Variants in MCC observed in about 807,000 individuals in gnomAD.
MCC encodes colorectal mutant cancer protein.
In MCC, 90 loss-of-function variants were observed where a neutral mutation model predicts 116.2. The ratio of observed to expected loss-of-function variants is 0.77; its 90% CI spans 0.65 to 0.92. MCC has a LOEUF of 0.92. Ranked by LOEUF, MCC falls within the 40% of genes least tolerant of loss-of-function variation. MCC has a pLI of 0.00. For synonymous variants in MCC, 578 were observed against 510.5 expected, an observed-to-expected ratio of 1.13 and a Z score of -1.78; for missense variants, 1,516 against 1,312.2, an observed-to-expected ratio of 1.16 and a Z score of -2.40.
chr5:113,195,850 T>C (rs1762378592), intron 3 of MCC, among the ~76,000 whole-genome samples: 1 of 152,186 alleles, frequency 6.6e-6, no homozygotes, highest in African/African-American at 2.4e-5. Context: ...GGGTCTCTCA[T>C]CTGGCGCCTC....
chr5:113,130,877 C>G (rs1247740385), intron 5 of MCC, among the ~76,000 whole-genome samples: 1 of 152,158 alleles, frequency 6.6e-6, no homozygotes, highest in Non-Finnish European at 1.5e-5. Context: ...TATAAATTAC[C>G]CAGCCTCAGA....
At chr5:113,452,706 G>A (rs1304748480) in intron 1 of MCC, among the ~76,000 whole-genome samples, 3 of 152,118 alleles carry the variant, frequency 2.0e-5, no homozygotes, top group African/African-American at 7.2e-5. Flanking sequence ...ACACCAGAAG[G>A]GCATAGTTGG....
chr5:113,294,530 C>CTGTTT, intron 3 of MCC: 1 of 1,461,542 alleles, frequency 6.8e-7, no homozygotes, highest in Non-Finnish European at 9.0e-7. Context: ...TTGCGAAGCG[C>CTGTTT]AAACGGAGGA....
At chr5:113,458,286 C>T (rs1445449250) in intron 1 of MCC, among the ~76,000 whole-genome samples, 3 of 151,950 alleles carry the variant, frequency 2.0e-5, no homozygotes, top group East Asian at 1.9e-4. Context: ...CTGAAGCCAG[C>T]GAGACCATGA....
intron 17 of MCC, among the ~76,000 whole-genome samples, chr5:113,037,747 G>A (rs1326406955): frequency 1.3e-5 from 2 of 152,170 alleles, no homozygotes; most frequent in East Asian, 3.8e-4. Context: ...TGATGGAGGT[G>A]ACTGAAGGAA....
chr5:113,045,609 G>C (rs1441489804), intron 16 of MCC, among the ~76,000 whole-genome samples: 1 of 152,016 alleles, frequency 6.6e-6, no homozygotes, highest in Non-Finnish European at 1.5e-5. Flanking sequence ...AGACCAGCCT[G>C]ACCAACATGG....
chr5:113,079,377 T>C (rs539685119), intron 11 of MCC, among the ~76,000 whole-genome samples: 3 of 152,332 alleles, frequency 2.0e-5, no homozygotes, highest in Non-Finnish European at 4.4e-5. Flanking sequence ...AGAACAAAGC[T>C]GGAGGCATCA....
In MCC at chr5:113,082,870, G is replaced by T. The variant is rs780382141; in HGVS notation, c.1774C>A (p.Arg592=). 6.2e-7 allele frequency: 1 copy of T among 1,613,890 alleles called. No homozygotes were observed. Among genetic ancestry groups the T allele is most frequent in the African/African-American group, 1.3e-5 (1 of 74,906 alleles). The part of the protein sequence containing the change: ...KIREFEVETE[R]LNSRIEHLKS... The stretch of plus-strand genomic sequence containing the variant: ...ACGATCTCTCCTCACCTATTCAGCC[G>T]TTCTGTTTCCACCTCAAACTCTCTA... Residue 592 remains arginine (R), a synonymous_variant, in exon 11 of 19, where the codon CGG becomes AGG. Coordinates refer to ENST00000408903, the MANE Select transcript of MCC (RefSeq NM_001085377.2).
At chr5:113,341,363 T>G (rs918429240) in intron 2 of MCC, among the ~76,000 whole-genome samples, 1 of 152,000 alleles carries the variant, frequency 6.6e-6, no homozygotes, top group African/African-American at 2.4e-5. Flanking sequence ...AAAATTTTTT[T>G]TGTAGACCTC....
intron 1 of MCC, among the ~76,000 whole-genome samples, chr5:113,472,513 T>C (rs1457445929): frequency 6.6e-6 from 1 of 152,250 alleles, no homozygotes; most frequent in Non-Finnish European, 1.5e-5. Flanking sequence ...TTCAACTTTG[T>C]ATTCCTCTGT....
intron 8 of MCC, among the ~76,000 whole-genome samples, chr5:113,096,434 G>A (rs559095748): frequency 2.0e-5 from 3 of 152,336 alleles, no homozygotes; most frequent in Admixed American, 6.5e-5. Flanking sequence ...TGACACACAC[G>A]TGTGGGGTCA....
At chr5:113,057,320 C>A (rs1752900605) in intron 14 of MCC, among the ~76,000 whole-genome samples, 1 of 152,024 alleles carries the variant, frequency 6.6e-6, no homozygotes, top group African/African-American at 2.4e-5. Flanking sequence ...ATCCATCTGG[C>A]CTCTAGGATG....
At chr5:113,077,333 C>G (rs549266232) in intron 11 of MCC, among the ~76,000 whole-genome samples, 2 of 152,294 alleles carry the variant, frequency 1.3e-5, no homozygotes, top group South Asian at 4.2e-4. Context: ...AACTCTCCAC[C>G]CCAAATCAAC....
chr5:113,164,338 A>G (rs1310399419), intron 3 of MCC, among the ~76,000 whole-genome samples: 1 of 152,206 alleles, frequency 6.6e-6, no homozygotes, highest in Admixed American at 6.5e-5. Context: ...GCCTCCTTGC[A>G]ACTTGTCCCA....
chr5:113,368,569 ATTT>A (rs1561540503), intron 2 of MCC, among the ~76,000 whole-genome samples: 1 of 149,988 alleles, frequency 6.7e-6, no homozygotes, highest in African/African-American at 2.5e-5. Flanking sequence ...TTTATTTCTT[ATTT>A]TTTCCCACTG....
At chr5:113,078,034 C>A (rs2150239320) in intron 11 of MCC, among the ~76,000 whole-genome samples, 1 of 152,292 alleles carries the variant, frequency 6.6e-6, no homozygotes, top group East Asian at 1.9e-4. Flanking sequence ...CACCTCTACA[C>A]AAATAAACTA....
chr5:113,233,130 G>C (rs900507465), intron 3 of MCC, among the ~76,000 whole-genome samples: 1 of 152,266 alleles, frequency 6.6e-6, no homozygotes, highest in East Asian at 1.9e-4. Context: ...GAGTGTTATA[G>C]GCCCATCCAC....
At chr5:113,235,177 TA>T (rs1561475857) in intron 3 of MCC, among the ~76,000 whole-genome samples, 1 of 152,162 alleles carries the variant, frequency 6.6e-6, no homozygotes, top group African/African-American at 2.4e-5. Flanking sequence ...ATGGGCTTTT[TA>T]AAAAATCAAT....
chr5:113,341,256 G>T (rs1286304810), intron 2 of MCC, among the ~76,000 whole-genome samples: 2 of 150,190 alleles, frequency 1.3e-5, no homozygotes, highest in Non-Finnish European at 1.5e-5. Context: ...TTGAGGCAGG[G>T]TCTTGTTCTG....
Sources: allele counts gnomAD v4.1 joint callset (sites outside exome capture counted in the v4.1 genomes callset), GRCh38; gene constraint gnomAD v4.1.1; transcripts MANE v1.5; gene names NCBI Gene and HGNC (gene_info 2026-07-23, HGNC 2026-07-21).